The following MCHR2 variants were observed in gnomAD, a reference collection of about 807,000 sequenced individuals.
MCHR2 encodes melanin-concentrating hormone receptor 2.
In MCHR2, 15 loss-of-function variants were observed where a neutral mutation model predicts 24.8. That is an observed-to-expected ratio of 0.60 (90% confidence interval 0.40 to 0.93). MCHR2 has a LOEUF of 0.93. MCHR2 is among the 40% of genes least tolerant of loss of function. The probability of loss-of-function intolerance (pLI) is 0.00; values close to 1 mark genes in which losing one functional copy is unlikely to be tolerated. For synonymous variants in MCHR2, 151 were observed against 147.6 expected, an observed-to-expected ratio of 1.02 and a Z score of -0.17; for missense variants, 386 against 408.7, an observed-to-expected ratio of 0.94 and a Z score of 0.48.
intron 1 of MCHR2, among the ~76,000 whole-genome samples, chr6:99,971,277 T>A (rs1329136896): frequency 1.3e-5 from 2 of 151,100 alleles, no homozygotes; most frequent in Non-Finnish European, 3.0e-5. Flanking sequence ...GTCCTTCATG[T>A]CCCTTGTAAG....
chr6:99,988,701 C>G (rs1026662155), intron 1 of MCHR2, among the ~76,000 whole-genome samples: 3 of 152,200 alleles, frequency 2.0e-5, no homozygotes, highest in Admixed American at 6.5e-5. Context: ...AGAAATAGAA[C>G]AGAAAGACCT....
chr6:99,932,874 A>G lies in MCHR2; in HGVS notation c.707+1524T>C, dbSNP rs57332355. On this transcript the variant is annotated intron_variant, in intron 5 of 5. Transcript: ENST00000281806. ...ACTAGTGAAGTCCAGTAAAGAATGG[A>G]ATTTAGTTAACAGTAATGTACTGCA... 7.2e-3 allele frequency among the ~76,000 whole-genome samples: 1,103 copies of G among 152,238 alleles called. 15 individuals carry two copies. Among genetic ancestry groups the G allele is most frequent in the African/African-American group, 0.025 (1,046 of 41,548 alleles).
At chr6:99,958,892 T>A (rs1014388127) in intron 1 of MCHR2, among the ~76,000 whole-genome samples, 3 of 152,164 alleles carry the variant, frequency 2.0e-5, no homozygotes, top group Non-Finnish European at 2.9e-5. Context: ...TTTTGTCTCA[T>A]CTATCTCAGT....
chr6:99,934,731 T>C (rs1204697754), intron 4 of MCHR2, among the ~76,000 whole-genome samples: 1 of 152,118 alleles, frequency 6.6e-6, no homozygotes, highest in Non-Finnish European at 1.5e-5. Flanking sequence ...TTGTCTTTTC[T>C]CTAGCCACAC....
Position 99,956,191 on chromosome 6 carries a change from A to C in MCHR2, c.-27-17T>G, listed in dbSNP as rs1165683328. The stretch of plus-strand genomic sequence containing the variant: ...GGATTAAAGCTGTGAAGTAATAGGA[A>C]GTGATTTATTTAGTGAACATTCCCT... On this transcript the variant is annotated splice_polypyrimidine_tract_variant and intron_variant, in intron 1 of 5. Transcript: ENST00000281806. 1 of 1,506,952 alleles carries C rather than the reference A, an allele frequency of 6.6e-7. No individual in the cohort carries two copies. Among genetic ancestry groups the C allele is most frequent in the Admixed American group, 1.9e-5 (1 of 51,654 alleles). 93.3% of individuals were successfully genotyped at this position (1,506,952 alleles called of 1,614,324 possible).
At chr6:99,945,171 G>A (rs1031740605) in intron 3 of MCHR2, among the ~76,000 whole-genome samples, 9 of 152,148 alleles carry the variant, frequency 5.9e-5, no homozygotes, top group African/African-American at 1.9e-4. Context: ...TACACCACTA[G>A]AATGAAAGCC....
chr6:99,921,525 G>A (rs1372775919), intron 5 of MCHR2, among the ~76,000 whole-genome samples: 1 of 151,974 alleles, frequency 6.6e-6, no homozygotes, highest in Non-Finnish European at 1.5e-5. Flanking sequence ...TATTTATGGG[G>A]TAAATGAGAT....
intron 1 of MCHR2, 46 bp downstream of exon 1, chr6:99,993,890 C>T (rs1476373947): frequency 6.6e-6 from 1 of 151,886 alleles, no homozygotes; most frequent in Non-Finnish European, 1.5e-5. Context: ...CTGGGGCGCG[C>T]CCACGCCAGA....
chr6:99,976,757 C>T (rs1015834102), intron 1 of MCHR2, among the ~76,000 whole-genome samples: 8 of 152,224 alleles, frequency 5.3e-5, no homozygotes, highest in Non-Finnish European at 1.2e-4. Context: ...GCACCATCCC[C>T]ATCCAGCCCT....
chr6:99,929,972 G>C (rs1230497413), intron 5 of MCHR2, among the ~76,000 whole-genome samples: 1 of 150,530 alleles, frequency 6.6e-6, no homozygotes, highest in Admixed American at 6.7e-5. Context: ...TGCAGTGGCT[G>C]GTACCGGTTG....
At chr6:99,980,137 G>T (rs1775636722) in intron 1 of MCHR2, among the ~76,000 whole-genome samples, 1 of 152,162 alleles carries the variant, frequency 6.6e-6, no homozygotes, top group South Asian at 2.1e-4. Context: ...TAATGAGAAA[G>T]TAAACATTCT....
intron 1 of MCHR2, among the ~76,000 whole-genome samples, chr6:99,982,091 G>C (rs1467117384): frequency 1.3e-5 from 2 of 151,976 alleles, no homozygotes; most frequent in Non-Finnish European, 2.9e-5. Context: ...CTCCCTACCT[G>C]TCTCTGTTCT....
intron 1 of MCHR2, among the ~76,000 whole-genome samples, chr6:99,971,253 T>C (rs1775411411): frequency 6.6e-6 from 1 of 151,978 alleles, no homozygotes; most frequent in Non-Finnish European, 1.5e-5. Flanking sequence ...TGGTTTGTAG[T>C]TCTCCTTGAA....
intron 1 of MCHR2, among the ~76,000 whole-genome samples, chr6:99,976,862 C>T (rs1775561748): frequency 6.6e-6 from 1 of 152,222 alleles, no homozygotes; most frequent in Non-Finnish European, 1.5e-5. Flanking sequence ...AAGAAATTGA[C>T]ATCCTTTTTT....
intron 1 of MCHR2, among the ~76,000 whole-genome samples, chr6:99,972,333 T>C (rs1775443416): frequency 6.6e-6 from 1 of 152,234 alleles, no homozygotes; most frequent in Non-Finnish European, 1.5e-5. Context: ...TTCTAGATTT[T>C]CTAGTTTATT....
intron 1 of MCHR2, among the ~76,000 whole-genome samples, chr6:99,988,614 C>A (rs1775809052): frequency 6.6e-6 from 1 of 152,172 alleles, no homozygotes; most frequent in East Asian, 1.9e-4. Flanking sequence ...TGGACACACA[C>A]TTGCCTGAAA....
intron 5 of MCHR2, among the ~76,000 whole-genome samples, chr6:99,933,693 C>A (rs979453978): frequency 6.6e-6 from 1 of 152,040 alleles, no homozygotes; most frequent in African/African-American, 2.4e-5. Context: ...GGAAACCCAG[C>A]AAACTTGCCT....
chr6:99,954,468 C>T (rs898992522), intron 2 of MCHR2, among the ~76,000 whole-genome samples: 8 of 152,188 alleles, frequency 5.3e-5, no homozygotes, highest in African/African-American at 1.9e-4. Flanking sequence ...ACGGTCCACA[C>T]CTGACCTCAT....
intron 1 of MCHR2, among the ~76,000 whole-genome samples, chr6:99,969,517 G>A (rs533140770): frequency 2.0e-4 from 29 of 147,684 alleles, no homozygotes; most frequent in Non-Finnish European, 3.6e-4. Context: ...AGAGAAGGAA[G>A]CCTGTTGTAT....
Sources: allele counts gnomAD v4.1 joint callset (sites outside exome capture counted in the v4.1 genomes callset), GRCh38; gene constraint gnomAD v4.1.1; transcripts MANE v1.5; gene names NCBI Gene and HGNC (gene_info 2026-07-23, HGNC 2026-07-21).